Variants in RARS1 observed in about 807,000 individuals in gnomAD.
RARS1 encodes arginine--tRNA ligase, cytoplasmic.
RARS1 carries 75 observed loss-of-function variants against 78.7 expected under a neutral mutation model. The observed-to-expected ratio is 0.95, with a 90% CI of 0.79 to 1.15. RARS1 has a LOEUF of 1.15. Ranked by LOEUF, RARS1 falls within the 50% of genes most tolerant of loss-of-function variation. RARS1 has a pLI of 0.00. For synonymous variants in RARS1, 273 were observed against 268.2 expected (o/e 1.02, Z -0.18); for missense variants, 787 against 787.5 (o/e 1.00, Z 0.01).
At chr5:168,488,780 T>C in intron 2 of RARS1, 44 bp downstream of exon 2, 1 of 1,530,296 alleles carries the variant, frequency 6.5e-7, no homozygotes, top group Non-Finnish European at 8.8e-7. Context: ...TTTGAATCAT[T>C]ATAGCTTTTT....
At chr5:168,513,841 C>T (rs1033368496) in intron 12 of RARS1, among the ~76,000 whole-genome samples, 6 of 151,944 alleles carry the variant, frequency 3.9e-5, no homozygotes, top group South Asian at 2.1e-4. Flanking sequence ...CACAGGTCTG[C>T]TGGGGTGACA....
chr5:168,498,576 A>G (rs1749665827), intron 7 of RARS1, among the ~76,000 whole-genome samples: 4 of 152,186 alleles, frequency 2.6e-5, no homozygotes, highest in Non-Finnish European at 5.9e-5. Flanking sequence ...CAGTGTACCA[A>G]TGTTTACATT....
chr5:168,510,486 A>AT, intron 11 of RARS1, 95 bp from the exon 12 acceptor site: 1 of 830,754 alleles, frequency 1.2e-6, no homozygotes. Context: ...CATATGTTGC[A>AT]GTTTTGTGGT....
intron 13 of RARS1, among the ~76,000 whole-genome samples, chr5:168,517,568 T>C (rs1290676902): frequency 6.6e-6 from 1 of 152,226 alleles, no homozygotes; most frequent in African/African-American, 2.4e-5. Flanking sequence ...GATACTCTTC[T>C]AGATGCTCTA....
intron 2 of RARS1, among the ~76,000 whole-genome samples, chr5:168,490,291 CTGTTA>C (rs533135405): frequency 7.2e-4 from 110 of 152,240 alleles, no homozygotes; most frequent in African/African-American, 2.6e-3. Flanking sequence ...GTTTAATTCT[CTGTTA>C]TATTTATTTT....
chr5:168,518,166 C>G lies in RARS1; in HGVS notation c.1873+104C>G, dbSNP rs1758715522. On this transcript the variant is annotated intron_variant, in intron 14 of 14. Coordinates refer to ENST00000231572, the MANE Select transcript of RARS1 (RefSeq NM_002887.4). ...TGGTGAAATCATAGGTCACTGAAGC[C>G]TCAAACTTCTGGCCTCAAGTGATTC... The G allele has an allele frequency of 2.3e-6, 3 of 1,291,826 alleles. No individual in the cohort carries two copies. In the African/African-American group the frequency reaches 4.8e-5, roughly 21 times the overall value. The allele number at this position is 1,291,826 out of a possible 1,614,324, so 80.0% of individuals were successfully genotyped here.
intron 1 of RARS1, 27 bp downstream of exon 1, chr5:168,486,570 G>T: frequency 1.9e-6 from 3 of 1,551,992 alleles, no homozygotes; most frequent in Non-Finnish European, 2.6e-6. Context: ...CCGGCGGGAA[G>T]GCCTGAAAGA....
At chr5:168,502,384 A>ATATATATATATATATTTT (rs1280220276) in intron 9 of RARS1, among the ~76,000 whole-genome samples, 2 of 127,248 alleles carry the variant, frequency 1.6e-5, no homozygotes, top group African/African-American at 6.3e-5. Context: ...ATATATATAT[A>ATATATATATATATATTTT]TTTTTTTTTT....
intron 9 of RARS1, among the ~76,000 whole-genome samples, chr5:168,504,077 A>T (rs1273287644): frequency 6.6e-6 from 1 of 151,088 alleles, no homozygotes; most frequent in African/African-American, 2.4e-5. Context: ...AAAAAAAAAA[A>T]AGAATAACGA....
At chr5:168,486,596 G>C in intron 1 of RARS1, 53 bp downstream of exon 1, 2 of 1,543,302 alleles carry the variant, frequency 1.3e-6, no homozygotes, top group Non-Finnish European at 1.8e-6. Context: ...AGCAGGCTCT[G>C]ACTCCTGCCC....
chr5:168,508,619 C>CAA (rs34579916), intron 11 of RARS1, among the ~76,000 whole-genome samples: 2,792 of 60,432 alleles, frequency 0.046, 171 homozygotes, highest in Admixed American at 0.17. Context: ...GACTCTGTCT[C>CAA]AAAAAAAAAA....
At chr5:168,515,095 T>C (rs138402198) in intron 12 of RARS1, among the ~76,000 whole-genome samples, 7 of 152,296 alleles carry the variant, frequency 4.6e-5, no homozygotes, top group Admixed American at 3.9e-4. Context: ...ATAATAATAA[T>C]TTTGATCTCT....
chr5:168,492,118 T>C (rs1758099738), intron 2 of RARS1, among the ~76,000 whole-genome samples: 1 of 152,146 alleles, frequency 6.6e-6, no homozygotes, highest in South Asian at 2.1e-4. Flanking sequence ...GAGATAATTA[T>C]ATGCCATCTT....
Position 168,492,836 on chromosome 5 carries a change from G to A in RARS1, c.358G>A (p.Gly120Ser), listed in dbSNP as rs1309050929. The change falls in exon 3 of 15, where the codon GGT (glycine) becomes AGT (serine). Residue 120 changes from glycine (G) to serine (S), a missense_variant. Transcript: ENST00000231572. ...GGACTATCAGTGTAATAGTGCTATG[G>A]GTATTTCTCAGGTGATGTATTGTCA... ...FGDYQCNSAM[G>S]ISQMLKTKEQ... 6.2e-7 allele frequency: 1 copy of A among 1,603,246 alleles called. No homozygotes were observed. The highest frequency in any genetic ancestry group is 1.7e-4 in the Middle Eastern group (1 of 6,018).
intron 7 of RARS1, among the ~76,000 whole-genome samples, chr5:168,499,050 G>T (rs1758261216): frequency 6.6e-6 from 1 of 152,070 alleles, no homozygotes; most frequent in Admixed American, 6.6e-5. Context: ...GGGTGCAGTG[G>T]CTCATGCCTG....
chr5:168,510,930 T>G (rs1758552222), intron 12 of RARS1, among the ~76,000 whole-genome samples: 1 of 152,226 alleles, frequency 6.6e-6, no homozygotes, highest in South Asian at 2.1e-4. Context: ...TAGCTTAGTA[T>G]CCGTGCTGCT....
rs988704462 is a variant in RARS1 at position 168,488,532 on chromosome 5, C to T, written c.46-70C>T. On this transcript the variant is annotated intron_variant, in intron 1 of 14. Transcript: ENST00000231572. ...CATTAATGATTCCCATGGTCTATGC[C>T]ACGCCTTGGTAGAGAGGGGAAATGT... is the stretch of plus-strand genomic sequence containing the variant. The T allele has an allele frequency of 3.4e-6, 5 of 1,483,908 alleles. No individual in the cohort carries two copies. The African/African-American group carries it at 5.6e-5, about 17-fold the overall frequency. 91.9% of individuals were successfully genotyped at this position (1,483,908 alleles called of 1,614,324 possible). A position where few individuals can be genotyped will look rare whatever the true frequency, so the allele number is the denominator to read the frequency against.
chr5:168,500,697 T>G lies in RARS1; in HGVS notation c.929T>G (p.Leu310Arg). The change falls in exon 8 of 15, where the codon CTT (leucine) becomes CGT (arginine). Residue 310 changes from leucine to arginine, a missense_variant. Transcript: ENST00000231572. ...KNPDITKAWK[L>R]ICDVSRQELN... ...CCAGATATTACAAAAGCTTGGAAGC[T>G]TATCTGTGATGTCTCCCGCCAAGGT... The G allele has an allele frequency of 6.2e-7, 1 of 1,611,398 alleles. No homozygotes were observed. The highest frequency in any genetic ancestry group is 1.1e-5 in the South Asian group (1 of 90,624).
chr5:168,509,805 C>G, intron 11 of RARS1, among the ~76,000 whole-genome samples: 1 of 151,766 alleles, frequency 6.6e-6, no homozygotes, highest in East Asian at 1.9e-4. Flanking sequence ...GACACCATCT[C>G]TATAAAAATT....
Sources: allele counts gnomAD v4.1 joint callset (sites outside exome capture counted in the v4.1 genomes callset), GRCh38; gene constraint gnomAD v4.1.1; transcripts MANE v1.5; gene names NCBI Gene and HGNC (gene_info 2026-07-23, HGNC 2026-07-21).